Variants in SERF2 observed in about 807,000 individuals in gnomAD.
SERF2 encodes the protein gastric cancer-related protein VRG107.
SERF2 carries 4 observed loss-of-function variants against 10.7 expected under a neutral mutation model. The ratio of observed to expected loss-of-function variants is 0.37; its 90% CI spans 0.18 to 0.86. SERF2 has a LOEUF of 0.86. Ranked by LOEUF, SERF2 falls within the 40% of genes least tolerant of loss-of-function variation. The probability of loss-of-function intolerance (pLI) is 0.43; values close to 1 mark genes in which losing one functional copy is unlikely to be tolerated. For synonymous variants in SERF2, 26 were observed against 26.0 expected (o/e 1.00, Z 0.01); for missense variants, 47 against 79.1 (o/e 0.59, Z 1.54).
rs1363142942 is a variant in SERF2, at chr15:43,795,409, A to G, written c.*1636A>G. ...TTACCTGAACCAGTTGGTAAGGGTA[A>G]CCATGACATAGAGTGAGGCAAGGAA... is the stretch of plus-strand genomic sequence containing the variant. On this transcript the variant is annotated 3_prime_UTR_variant, in exon 3 of 3. Coordinates refer to ENST00000249786, the MANE Select transcript of SERF2 (RefSeq NM_001018108.4). 1 of 1,614,208 alleles carries G rather than the reference A, an allele frequency of 6.2e-7. No individual in the cohort carries two copies. Among genetic ancestry groups the G allele is most frequent in the Non-Finnish European group, 8.5e-7 (1 of 1,180,030 alleles).
At position 43,792,321 on chromosome 15, in the gene SERF2, A is replaced by G. The variant is rs1053788242; in HGVS notation, c.-56A>G. The G allele has an allele frequency of 4.1e-6, 6 of 1,463,702 alleles. No individual in the cohort carries two copies. Among genetic ancestry groups the G allele is most frequent in the Non-Finnish European group, 4.8e-6 (5 of 1,042,920 alleles). The allele number at this position is 1,463,702 out of a possible 1,614,324, so 90.7% of individuals were successfully genotyped here. On this transcript the variant is annotated 5_prime_UTR_variant, in exon 1 of 3. Coordinates refer to ENST00000249786, the MANE Select transcript of SERF2 (RefSeq NM_001018108.4). ...GTTGCCAGAAGGGGCGGGACCTGCA[A>G]CGTCCGACAGAACGAGGGGACGTAA...
chr15:43,792,656 C>T (rs1375423454), intron 1 of SERF2: 2 of 1,360,226 alleles, frequency 1.5e-6, no homozygotes, highest in Non-Finnish European at 1.9e-6. Flanking sequence ...AGAGCCCCCA[C>T]TCCACAAGCC....
chr15:43,793,934 C>A lies in SERF2; in HGVS notation c.*161C>A. 1 of 1,557,528 alleles carries A rather than the reference C, an allele frequency of 6.4e-7. No individual in the cohort carries two copies. The highest frequency in any genetic ancestry group is 1.4e-5 in the African/African-American group (1 of 73,606). On this transcript the variant is annotated 3_prime_UTR_variant, in exon 3 of 3. Coordinates refer to ENST00000249786, the MANE Select transcript of SERF2 (RefSeq NM_001018108.4). ...GGTCCCTTTTGTGCTTCCTTCCCCT[C>A]AGGTAGCCTCTCTCCCCCTGGGCCA...
chr15:43,780,273 G>C (rs1436658623), intron 1 of SERF2, among the ~76,000 whole-genome samples: 1 of 152,010 alleles, frequency 6.6e-6, no homozygotes, highest in Non-Finnish European at 1.5e-5. Context: ...CCGAGTAGCT[G>C]AGACTACAGG....
chr15:43,792,222 C>A, upstream of SERF2: 1 of 699,448 alleles, frequency 1.4e-6, no homozygotes, highest in South Asian at 1.5e-5. Context: ...CGTGGATCCA[C>A]GTGCTTTTTC....
At chr15:43,785,072 CTTT>C (rs756768224) in intron 1 of SERF2, among the ~76,000 whole-genome samples, 2 of 125,682 alleles carry the variant, frequency 1.6e-5, no homozygotes. Context: ...TTATTTATTA[CTTT>C]TTTTTTTTTT....
Position 43,792,402 on chromosome 15 carries a change from TCTC to T in SERF2, c.7+22_7+24del, listed in dbSNP as rs762174136. On this transcript the variant is annotated intron_variant, in intron 1 of 2. Coordinates refer to ENST00000249786, the MANE Select transcript of SERF2 (RefSeq NM_001018108.4). ...ATGACCCGTGAGCACCGAGCCCCCTTCTCCTTGCCCTTTTCTTTCCGTTCACCC... is the reference window on the plus strand; with the variant it reads ...ATGACCCGTGAGCACCGAGCCCCCTTCTTGCCCTTTTCTTTCCGTTCACCC... 8.1e-6 allele frequency: 13 copies of T among 1,613,620 alleles called. No homozygotes were observed. Among genetic ancestry groups the T allele is most frequent in the Non-Finnish European group, 1.0e-5 (12 of 1,179,808 alleles).
At chr15:43,785,704 CTTTTTT>C (rs71415810) in intron 2 of SERF2, among the ~76,000 whole-genome samples, 2 of 122,676 alleles carry the variant, frequency 1.6e-5, no homozygotes, top group African/African-American at 6.3e-5. Context: ...TTTTCTTTTT[CTTTTTT>C]TTTTTTTTTT....
intron 1 of SERF2, chr15:43,785,269 A>G (rs2086997179): frequency 6.7e-6 from 1 of 150,326 alleles, no homozygotes; most frequent in Non-Finnish European, 1.5e-5. Context: ...AGGTTTCACC[A>G]TGTTGGCCAG....
At chr15:43,784,137 G>T (rs1015682064) in intron 1 of SERF2, among the ~76,000 whole-genome samples, 1 of 151,678 alleles carries the variant, frequency 6.6e-6, no homozygotes, top group Admixed American at 6.6e-5. Context: ...ACCCAAGCTG[G>T]TCTCAAAGTC....
rs1447351467 is a variant in SERF2 at position 43,795,001 on chromosome 15, T to C, written c.*1228T>C. 1 of 1,608,642 alleles carries C rather than the reference T, an allele frequency of 6.2e-7. No homozygotes were observed. Among genetic ancestry groups the C allele is most frequent in the Non-Finnish European group, 8.5e-7 (1 of 1,178,090 alleles). On this transcript the variant is annotated 3_prime_UTR_variant, in exon 3 of 3. Coordinates refer to ENST00000249786, the MANE Select transcript of SERF2 (RefSeq NM_001018108.4). ...GGAACCCCAGTTTGTGAAAAGGACTTAGACTGGAGGATATTTGTTATCTGG... is the reference window on the plus strand; with the variant it reads ...GGAACCCCAGTTTGTGAAAAGGACTCAGACTGGAGGATATTTGTTATCTGG...
At chr15:43,789,036 C>T (rs995411237), upstream of SERF2, among the ~76,000 whole-genome samples, 1 of 151,722 alleles carries the variant, frequency 6.6e-6, no homozygotes, top group African/African-American at 2.4e-5. Context: ...GTAGTCCCAG[C>T]TACTTGGGAG....
Position 43,795,678 on chromosome 15 carries a change from T to G in SERF2, c.*1905T>G, listed in dbSNP as rs2087197221. ...CTACCACTTCTTATGGTTCCTCACT[T>G]GGCACTCACCTTTGTCTGCCTCCAC... On this transcript the variant is annotated 3_prime_UTR_variant, in exon 3 of 3. Coordinates refer to ENST00000249786, the MANE Select transcript of SERF2 (RefSeq NM_001018108.4). The G allele has an allele frequency of 6.2e-7, 1 of 1,613,894 alleles. No homozygotes were observed.
At chr15:43,793,223 T>C (rs2087112992) in intron 2 of SERF2, 140 bp downstream of exon 2, 1 of 615,300 alleles carries the variant, frequency 1.6e-6, no homozygotes. Context: ...TAGGGTTTTA[T>C]TTCCTCCCCA....
chr15:43,794,113 C>A lies in SERF2; in HGVS notation c.*340C>A. On this transcript the variant is annotated 3_prime_UTR_variant, in exon 3 of 3. Coordinates refer to ENST00000249786, the MANE Select transcript of SERF2 (RefSeq NM_001018108.4). Reference sequence around the variant, plus strand: ...TGGAAGAATGACTGCCCTTTCCCACCAAAAAAGGGAGAACTCTTTAGATTC... The same window carrying A: ...TGGAAGAATGACTGCCCTTTCCCACAAAAAAAGGGAGAACTCTTTAGATTC... 1 of 743,606 alleles carries A rather than the reference C, an allele frequency of 1.3e-6. No homozygotes were observed. The highest frequency in any genetic ancestry group is 2.1e-6 in the Non-Finnish European group (1 of 474,868). The allele number at this position is 743,606 out of a possible 1,614,324, so 46.1% of individuals were successfully genotyped here.
At position 43,795,363 on chromosome 15, in the gene SERF2, G is replaced by A; in HGVS notation, c.*1590G>A. 1 of 1,613,428 alleles carries A rather than the reference G, an allele frequency of 6.2e-7. No homozygotes were observed. Among genetic ancestry groups the A allele is most frequent in the Non-Finnish European group, 8.5e-7 (1 of 1,179,370 alleles). The stretch of plus-strand genomic sequence containing the variant: ...TTAAAATAGCTAGCTCTTCAGGAGA[G>A]TATCTAAGGCCCACTCCATCTTACC... On this transcript the variant is annotated 3_prime_UTR_variant, in exon 3 of 3. Coordinates refer to ENST00000249786, the MANE Select transcript of SERF2 (RefSeq NM_001018108.4).
chr15:43,786,219 T>A (rs2087005645), intron 2 of SERF2, among the ~76,000 whole-genome samples: 1 of 151,468 alleles, frequency 6.6e-6, no homozygotes, highest in Non-Finnish European at 1.5e-5. Context: ...GTCGAGACCA[T>A]CCTGACTAAC....
At chr15:43,779,462 G>C (rs1015742031) in intron 1 of SERF2, among the ~76,000 whole-genome samples, 2 of 152,010 alleles carry the variant, frequency 1.3e-5, no homozygotes, top group Admixed American at 6.6e-5. Context: ...GGGAATCTGT[G>C]AACTTGGAAG....
At position 43,795,064 on chromosome 15, in the gene SERF2, G is replaced by T; in HGVS notation, c.*1291G>T. On this transcript the variant is annotated 3_prime_UTR_variant, in exon 3 of 3. Coordinates refer to ENST00000249786, the MANE Select transcript of SERF2 (RefSeq NM_001018108.4). The stretch of plus-strand genomic sequence containing the variant: ...GTGGCGGCGGCGCCTCAAGATAAGG[G>T]GCTGGGGTTTCTGGGTGGGGGGCCA... The T allele has an allele frequency of 6.2e-7, 1 of 1,613,494 alleles. No homozygotes were observed. The highest frequency in any genetic ancestry group is 8.5e-7 in the Non-Finnish European group (1 of 1,180,018).
Sources: gnomAD v4.1 joint callset for allele counts (sites outside exome capture counted in the v4.1 genomes callset) on GRCh38, gnomAD v4.1.1 for gene constraint, MANE v1.5 for transcripts, NCBI Gene and HGNC (gene_info 2026-07-23, HGNC 2026-07-21) for gene names.